Variants in ZC3H11A observed in about 807,000 individuals in gnomAD.
ZC3H11A encodes zinc finger CCCH-type containing 11A, also known as zinc finger CCCH domain-containing protein 11A.
In ZC3H11A, 22 loss-of-function variants were observed where a neutral mutation model predicts 90.8. The ratio of observed to expected loss-of-function variants is 0.24; its 90% CI spans 0.17 to 0.35. The LOEUF (loss-of-function observed/expected upper bound fraction) is 0.35. ZC3H11A is among the 10% of genes least tolerant of loss of function. ZC3H11A has a pLI of 1.00. For missense variants in ZC3H11A, 701 were observed against 964.9 expected (o/e 0.73, Z 3.62); for synonymous variants, 294 against 339.8 (o/e 0.87, Z 1.48).
At chr1:203,824,646 C>T (rs533829606) in intron 4 of ZC3H11A, among the ~76,000 whole-genome samples, 1 of 115,250 alleles carries the variant, frequency 8.7e-6, no homozygotes, top group Non-Finnish European at 2.0e-5. Flanking sequence ...ATACTGTAAA[C>T]AAGTGTCCTT....
In ZC3H11A at chr1:203,845,612, C is replaced by T. The variant is rs565980908; in HGVS notation, c.1043-1572C>T. ...TGGCGTGGTGGCTCACGCCTGTAAT[C>T]CCAGCACTTTGGGAGGCCAGGCAGG... On this transcript the variant is annotated intron_variant, in intron 12 of 17. Transcript: ENST00000367210. Among the ~76,000 whole-genome samples the T allele has an allele frequency of 4.6e-5, 7 of 152,324 alleles. No individual in the cohort carries two copies. The South Asian group carries it at 1.4e-3, about 32-fold the overall frequency.
rs569523300 is a variant in ZC3H11A, at chr1:203,804,509, G to C, written c.-146+1493G>C. The stretch of plus-strand genomic sequence containing the variant: ...CTTCCTGTATATCTTTTTACTGTGA[G>C]TGGTACTCTGCCATCATCTGAATGA... On this transcript the variant is annotated intron_variant, in intron 2 of 17. Transcript: ENST00000367210. 9.5e-4 allele frequency among the ~76,000 whole-genome samples: 145 copies of C among 152,096 alleles called. 1 individual carries two copies. Among genetic ancestry groups the C allele is most frequent in the African/African-American group, 3.4e-3 (142 of 41,484 alleles).
intron 4 of ZC3H11A, among the ~76,000 whole-genome samples, chr1:203,820,987 T>C (rs989243058): frequency 2.6e-5 from 4 of 152,170 alleles, no homozygotes; most frequent in African/African-American, 9.6e-5. Flanking sequence ...TTCCCCGTTA[T>C]TGATGTGAAT....
chr1:203,797,323 A>G, intron 1 of ZC3H11A: 1 of 474,182 alleles, frequency 2.1e-6, no homozygotes, highest in African/African-American at 2.0e-5. Context: ...GCCCTCTAAG[A>G]AAGAGTTCGG....
At chr1:203,812,578 A>ATTT (rs386369376) in intron 2 of ZC3H11A, among the ~76,000 whole-genome samples, 3,023 of 109,250 alleles carry the variant, frequency 0.028, 82 homozygotes, top group Non-Finnish European at 0.034. Context: ...GCCATTCTAA[A>ATTT]TTTTTTTTTT....
chr1:203,823,074 T>C (rs1442886032), intron 4 of ZC3H11A, among the ~76,000 whole-genome samples: 1 of 42,814 alleles, frequency 2.3e-5, no homozygotes, highest in Non-Finnish European at 4.7e-5. Context: ...TTTTATGTTA[T>C]AACATGAAAA....
chr1:203,806,072 G>A (rs1245635231), intron 2 of ZC3H11A: 8 of 509,736 alleles, frequency 1.6e-5, no homozygotes, highest in Admixed American at 9.1e-5. Context: ...TTTAAAACTC[G>A]CAAGGCTTTC....
intron 2 of ZC3H11A, chr1:203,805,493 G>A (rs973086269): frequency 2.3e-6 from 1 of 430,768 alleles, no homozygotes; most frequent in African/African-American, 2.0e-5. Context: ...GAAAAAAATA[G>A]AAGAGCAATG....
intron 4 of ZC3H11A, among the ~76,000 whole-genome samples, chr1:203,824,516 T>G (rs935843599): frequency 6.6e-6 from 1 of 152,138 alleles, no homozygotes; most frequent in Non-Finnish European, 1.5e-5. Flanking sequence ...AATCAGTACT[T>G]GGCCATTCGT....
At chr1:203,804,115 G>T (rs1671364974) in intron 2 of ZC3H11A, among the ~76,000 whole-genome samples, 1 of 150,622 alleles carries the variant, frequency 6.6e-6, no homozygotes, top group Non-Finnish European at 1.5e-5. Context: ...ATTTAATGTG[G>T]GTCTTGCATA....
At chr1:203,799,910 A>G (rs1670005662) in intron 1 of ZC3H11A, 1 of 1,536,126 alleles carries the variant, frequency 6.5e-7, no homozygotes, top group African/African-American at 1.4e-5. Context: ...AGTTCCTTGC[A>G]GAAGAGGTCT....
intron 2 of ZC3H11A, among the ~76,000 whole-genome samples, chr1:203,803,688 G>A (rs1480987366): frequency 3.3e-5 from 5 of 152,036 alleles, no homozygotes; most frequent in Middle Eastern, 6.8e-3. Context: ...TCACTGCAAC[G>A]TCAAACCCCT....
chr1:203,850,740 C>CT lies in ZC3H11A; in HGVS notation c.2106+60dup, dbSNP rs1689058324. Reference sequence around the variant, plus strand: ...CTGTGTGGTAGGAAAGCAGGAAAGACTAACTCTCCACTAGCATTCTATCTT... The same window carrying CT: ...CTGTGTGGTAGGAAAGCAGGAAAGACTTAACTCTCCACTAGCATTCTATCTT... On this transcript the variant is annotated intron_variant, in intron 16 of 17. Transcript: ENST00000367210. 5.7e-6 allele frequency: 9 copies of CT among 1,569,188 alleles called. No homozygotes were observed. In the South Asian group the frequency reaches 1.0e-4, roughly 18 times the overall value.
At chr1:203,796,878 C>T (rs1022429116) in intron 1 of ZC3H11A, 22 of 156,544 alleles carry the variant, frequency 1.4e-4, no homozygotes, top group Admixed American at 4.5e-4. Context: ...GGTTGTATTA[C>T]TTTTAGTTAG....
At chr1:203,838,208 G>A (rs965987860) in intron 11 of ZC3H11A, 144 bp downstream of exon 11, 1 of 813,652 alleles carries the variant, frequency 1.2e-6, no homozygotes, top group Non-Finnish European at 1.9e-6. Flanking sequence ...ACAAACATTT[G>A]ATCCTTAGTC....
intron 16 of ZC3H11A, 151 bp downstream of exon 16, chr1:203,850,832 AC>A: frequency 8.0e-7 from 1 of 1,248,864 alleles, no homozygotes; most frequent in Non-Finnish European, 1.1e-6. Flanking sequence ...TTTTATACTT[AC>A]AGTTTGATAT....
Position 203,846,160 on chromosome 1 carries a change from T to TTTG in ZC3H11A, c.1043-1024_1043-1023insTTG, listed in dbSNP as rs1553270782. On this transcript the variant is annotated intron_variant, in intron 12 of 17. Transcript: ENST00000367210. ...AGATTTTGAAAAGATATAATTTTTT[T>TTTG]GGGGGGGGGGTTCATTAAAAGCTGT... Among the ~76,000 whole-genome samples, 220 of 132,048 alleles carry TTTG rather than the reference T, an allele frequency of 1.7e-3. 2 individuals carry two copies. The highest frequency in any genetic ancestry group is 5.6e-3 in the African/African-American group (206 of 36,582). 86.6% of individuals were successfully genotyped at this position (132,048 alleles called of 152,430 possible).
At chr1:203,841,673 C>T (rs1422818338) in intron 12 of ZC3H11A, among the ~76,000 whole-genome samples, 1 of 152,224 alleles carries the variant, frequency 6.6e-6, no homozygotes, top group Non-Finnish European at 1.5e-5. Context: ...GTTGGGTACA[C>T]CTCCCAGACG....
At chr1:203,842,130 G>A (rs1169349889) in intron 12 of ZC3H11A, among the ~76,000 whole-genome samples, 1 of 149,840 alleles carries the variant, frequency 6.7e-6, no homozygotes, top group Admixed American at 6.6e-5. Context: ...GCGGCTGGGC[G>A]GAAGGGCTCC....
Sources: allele counts gnomAD v4.1 joint callset (sites outside exome capture counted in the v4.1 genomes callset), GRCh38; gene constraint gnomAD v4.1.1; transcripts MANE v1.5; gene names NCBI Gene and HGNC (gene_info 2026-07-23, HGNC 2026-07-21).